The following POU3F4 variants were observed in gnomAD, a reference collection of about 807,000 sequenced individuals.
The protein encoded by POU3F4 is POU domain, class 3, transcription factor 4.
A neutral mutation model predicts 15.2 loss-of-function variants in POU3F4; 2 were observed. The ratio of observed to expected loss-of-function variants is 0.13; its 90% CI spans 0.05 to 0.42. The LOEUF is 0.42. POU3F4 is among the 10% of genes least tolerant of loss of function. The pLI is 0.99. For missense variants in POU3F4, 220 were observed against 297.0 expected (o/e 0.74, Z 1.91); for synonymous variants, 158 against 133.3 (o/e 1.19, Z -1.28).
In POU3F4 at chrX:83,510,144, T is replaced by C. The variant is rs2147997363; in HGVS notation, c.*734T>C. 1 of 111,923 alleles carries C rather than the reference T, an allele frequency of 8.9e-6. No homozygotes were observed. Among genetic ancestry groups the C allele is most frequent in the South Asian group, 3.8e-4 (1 of 2,628 alleles). The allele number at this position is 111,923 out of a possible 1,213,427, so 9.2% of individuals were successfully genotyped here. ...TTTACTACAATCTGTACACAATATT[T>C]GTGAGATAATTTGTATCTAATCGAC... is the stretch of plus-strand genomic sequence containing the variant. On this transcript the variant is annotated 3_prime_UTR_variant, in exon 1 of 1. Coordinates refer to ENST00000644024, the MANE Select transcript of POU3F4 (RefSeq NM_000307.5).
In POU3F4 at chrX:83,510,961, G is replaced by A. The variant is rs1030269939; in HGVS notation, c.*1551G>A. ...ACCGCTGTCTGTGTGTGGGCTCGTG[G>A]GGAGCTGTCTCGGCGTTTCTGATAA... On this transcript the variant is annotated 3_prime_UTR_variant, in exon 1 of 1. Coordinates refer to ENST00000644024, the MANE Select transcript of POU3F4 (RefSeq NM_000307.5). 3 of 109,499 alleles carry A rather than the reference G, an allele frequency of 2.7e-5. No individual in the cohort carries two copies. The highest frequency in any genetic ancestry group is 6.7e-5 in the African/African-American group (2 of 30,025). The allele number at this position is 109,499 out of a possible 1,213,427, so 9.0% of individuals were successfully genotyped here.
chrX:83,509,195 G>A lies in POU3F4; in HGVS notation c.871G>A (p.Gly291Ser), dbSNP rs1925850178. 8.3e-7 allele frequency: 1 copy of A among 1,211,705 alleles called. No individual in the cohort carries two copies. Among genetic ancestry groups the A allele is most frequent in the African/African-American group, 1.7e-5 (1 of 57,901 alleles). ...GACCTCCATCGAGGTGAGTGTCAAG[G>A]GCGTACTGGAGACGCATTTCCTCAA... ...KRTSIEVSVKGVLETHFLKCP... is the reference protein window; with the variant it reads ...KRTSIEVSVKSVLETHFLKCP... The change falls in exon 1 of 1, where the codon GGC becomes AGC. Residue 291 changes from glycine (G) to serine (S), a missense_variant. Transcript: ENST00000644024.
rs776921688 is a variant in POU3F4, at chrX:83,508,545, G to A, written c.221G>A (p.Ser74Asn). The A allele has an allele frequency of 8.3e-7, 1 of 1,202,880 alleles. No individual in the cohort carries two copies. Among genetic ancestry groups the A allele is most frequent in the South Asian group, 1.8e-5 (1 of 55,643 alleles). Residue 74 changes from serine to asparagine, a missense_variant, in exon 1 of 1, where the codon AGC becomes AAC. Ser to Asn is a conservative substitution (Grantham distance 46). Around this residue, in one of 5 missense-constraint regions of POU3F4, gnomAD observed 161 missense variants for 154.1 expected, o/e 1.05. Transcript: ENST00000644024. ...CCATGGTCCTCCACACTGGCCACCA[G>A]CCCCCTGGACCAGCAGGACGTGAAG... is the stretch of plus-strand genomic sequence containing the variant. Reference protein sequence around the residue: ...GGPWSSTLATSPLDQQDVKPG... With the variant: ...GGPWSSTLATNPLDQQDVKPG...
At position 83,508,745 on chromosome X, in the gene POU3F4, G is replaced by C. The variant is rs1925837292; in HGVS notation, c.421G>C (p.Val141Leu). The C allele has an allele frequency of 4.1e-6, 5 of 1,206,208 alleles. No individual in the cohort carries two copies. The highest frequency in any genetic ancestry group is 1.7e-5 in the African/African-American group (1 of 57,238). Reference protein sequence around the residue: ...LNVYSQPGFTVSGMLEHGGLT... With the variant: ...LNVYSQPGFTLSGMLEHGGLT... ...CGTGTACTCGCAGCCTGGCTTCACC[G>C]TGAGCGGCATGCTGGAACACGGGGG... is the stretch of plus-strand genomic sequence containing the variant. The change falls in exon 1 of 1, where the codon GTG (valine) becomes CTG (leucine). Residue 141 changes from valine (V) to leucine (L), a missense_variant. Coordinates refer to ENST00000644024, the MANE Select transcript of POU3F4 (RefSeq NM_000307.5).
At position 83,510,606 on chromosome X, in the gene POU3F4, T is replaced by A; in HGVS notation, c.*1196T>A. The A allele has an allele frequency of 9.0e-6, 1 of 111,469 alleles. No individual in the cohort carries two copies. Among genetic ancestry groups the A allele is most frequent in the East Asian group, 2.8e-4 (1 of 3,523 alleles). 9.2% of individuals were successfully genotyped at this position (111,469 alleles called of 1,213,427 possible). ...GCTCCGCACTCACCGGACTCCAGGA[T>A]TCCTGCGCGCAGAAATCCAGGCCCC... On this transcript the variant is annotated 3_prime_UTR_variant, in exon 1 of 1. Coordinates refer to ENST00000644024, the MANE Select transcript of POU3F4 (RefSeq NM_000307.5).
chrX:83,510,178 GTTA>G lies in POU3F4; in HGVS notation c.*774_*776del, dbSNP rs1925880034. On this transcript the variant is annotated 3_prime_UTR_variant, in exon 1 of 1. Coordinates refer to ENST00000644024, the MANE Select transcript of POU3F4 (RefSeq NM_000307.5). Reference sequence around the variant, plus strand: ...ATTTGTATCTAATCGACCACTCCATGTTATTATTGCTATTATTATTACTACTTC... The same window carrying G: ...ATTTGTATCTAATCGACCACTCCATGTTATTGCTATTATTATTACTACTTC... The G allele has an allele frequency of 9.0e-6, 1 of 110,720 alleles. No homozygotes were observed. The highest frequency in any genetic ancestry group is 1.9e-5 in the Non-Finnish European group (1 of 52,977). 9.1% of individuals were successfully genotyped at this position (110,720 alleles called of 1,213,427 possible).
rs1241361409 is a variant in POU3F4 at position 83,509,692 on chromosome X, T to C, written c.*282T>C. On this transcript the variant is annotated 3_prime_UTR_variant, in exon 1 of 1. Transcript: ENST00000644024. ...TTCCTTTCCTTTCTTTTCTTTTGCT[T>C]TCCTTTCCTTTTTTTCCCTTTTCTT... 1 of 374,732 alleles carries C rather than the reference T, an allele frequency of 2.7e-6. No individual in the cohort carries two copies. Among genetic ancestry groups the C allele is most frequent in the Non-Finnish European group, 4.7e-6 (1 of 213,856 alleles). 30.9% of individuals were successfully genotyped at this position (374,732 alleles called of 1,213,427 possible).
In POU3F4 at chrX:83,508,689, C is replaced by T. The variant is rs759698748; in HGVS notation, c.365C>T (p.Pro122Leu). 5.8e-6 allele frequency: 7 copies of T among 1,211,561 alleles called. No homozygotes were observed. The highest frequency in any genetic ancestry group is 5.9e-5 in the East Asian group (2 of 33,784). ...NAWGASPAPN[P>L]SITSSGQPLN... is the part of the protein sequence containing the mutation. ...TGGGGGGCCAGCCCGGCACCGAACC[C>T]GTCTATCACGTCAAGCGGCCAACCC... is the stretch of plus-strand genomic sequence containing the variant. The change falls in exon 1 of 1, where the codon CCG (proline) becomes CTG (leucine). Residue 122 changes from proline (P) to leucine (L), a missense_variant. Pro to Leu is a moderately conservative substitution (Grantham distance 98, BLOSUM62 -3). Around this residue, in one of 5 missense-constraint regions of POU3F4, gnomAD observed 161 missense variants for 154.1 expected, o/e 1.05. Coordinates refer to ENST00000644024, the MANE Select transcript of POU3F4 (RefSeq NM_000307.5).
At position 83,508,375 on chromosome X, in the gene POU3F4, A is replaced by G; in HGVS notation, c.51A>G (p.Leu17=). ...ACAGCATTCTCAGTTCCACCTCCCT[A>G]GTCCATGCGGACTCTGCGGGCATGC... ...NPYSILSSTS[L]VHADSAGMQQ... The change falls in exon 1 of 1, where the codon CTA becomes CTG. Residue 17 remains leucine, a synonymous_variant. Coordinates refer to ENST00000644024, the MANE Select transcript of POU3F4 (RefSeq NM_000307.5). 1 of 1,212,077 alleles carries G rather than the reference A, an allele frequency of 8.3e-7. No individual in the cohort carries two copies. Among genetic ancestry groups the G allele is most frequent in the Non-Finnish European group, 1.1e-6 (1 of 895,502 alleles).
Position 83,509,148 on chromosome X carries a change from A to T in POU3F4, c.824A>T (p.Gln275Leu), listed in dbSNP as rs1374720958. The change falls in exon 1 of 1, where the codon CAG (glutamine) becomes CTG (leucine). Residue 275 changes from glutamine (Q) to leucine (L), a missense_variant. Gln to Leu is a moderately radical substitution (Grantham distance 113). Coordinates refer to ENST00000644024, the MANE Select transcript of POU3F4 (RefSeq NM_000307.5). Reference sequence around the variant, plus strand: ...ACCAGCATTGACAAGATCGCTGCACAGGGCCGCAAGCGCAAGAAGCGGACC... The same window carrying T: ...ACCAGCATTGACAAGATCGCTGCACTGGGCCGCAAGCGCAAGAAGCGGACC... ...SPTSIDKIAA[Q>L]GRKRKKRTSI... 1 of 1,209,954 alleles carries T rather than the reference A, an allele frequency of 8.3e-7. No homozygotes were observed. The highest frequency in any genetic ancestry group is 1.7e-5 in the African/African-American group (1 of 57,232).
rs1285048489 is a variant in POU3F4 at position 83,510,357 on chromosome X, A to G, written c.*947A>G. 9.7e-6 allele frequency: 1 copy of G among 103,196 alleles called. No homozygotes were observed. Among genetic ancestry groups the G allele is most frequent in the East Asian group, 3.4e-4 (1 of 2,985 alleles). 8.5% of individuals were successfully genotyped at this position (103,196 alleles called of 1,213,427 possible). A position where few individuals can be genotyped will look rare whatever the true frequency, so the allele number is the denominator to read the frequency against. On this transcript the variant is annotated 3_prime_UTR_variant, in exon 1 of 1. Coordinates refer to ENST00000644024, the MANE Select transcript of POU3F4 (RefSeq NM_000307.5). ...AACGAAGAGAGTTATTGATGATGATATTGGTTATATTTTTTTTCCGGGGTG... is the reference window on the plus strand; with the variant it reads ...AACGAAGAGAGTTATTGATGATGATGTTGGTTATATTTTTTTTCCGGGGTG...
In POU3F4 at chrX:83,510,658, C is replaced by A. The variant is rs1453270227; in HGVS notation, c.*1248C>A. 1 of 111,706 alleles carries A rather than the reference C, an allele frequency of 9.0e-6. No homozygotes were observed. The highest frequency in any genetic ancestry group is 1.9e-5 in the Non-Finnish European group (1 of 53,095). 9.2% of individuals were successfully genotyped at this position (111,706 alleles called of 1,213,427 possible). A position where few individuals can be genotyped will look rare whatever the true frequency, so the allele number is the denominator to read the frequency against. ...AGCCTCGCTAGGGCGACCTTCCGCG[C>A]GACCTCACTTCGGCCCTCCTAGAGG... On this transcript the variant is annotated 3_prime_UTR_variant, in exon 1 of 1. Transcript: ENST00000644024.
rs1260538264 is a variant in POU3F4 at position 83,509,180 on chromosome X, G to A, written c.856G>A (p.Glu286Lys). 8.3e-7 allele frequency: 1 copy of A among 1,210,127 alleles called. No homozygotes were observed. The highest frequency in any genetic ancestry group is 1.7e-5 in the African/African-American group (1 of 57,307). ...GRKRKKRTSI[E>K]VSVKGVLETH... ...CAAGCGCAAGAAGCGGACCTCCATC[G>A]AGGTGAGTGTCAAGGGCGTACTGGA... The change falls in exon 1 of 1, where the codon GAG becomes AAG. Residue 286 changes from glutamate (E) to lysine (K), a missense_variant. This residue lies in a region of POU3F4 where 25 missense variants were observed against 36.7 expected (regional missense o/e 0.68). Coordinates refer to ENST00000644024, the MANE Select transcript of POU3F4 (RefSeq NM_000307.5).
In POU3F4 at chrX:83,508,840, C is replaced by T. The variant is rs778599627; in HGVS notation, c.516C>T (p.His172=). The T allele has an allele frequency of 2.5e-6, 3 of 1,208,857 alleles. No individual in the cohort carries two copies. In the South Asian group the frequency reaches 5.3e-5, roughly 21 times the overall value. ...LHPVLREPPD[H]GELGSHHCQD... Reference sequence around the variant, plus strand: ...CGGTGCTCCGAGAGCCCCCGGATCACGGCGAACTGGGCTCGCACCATTGCC... The same window carrying T: ...CGGTGCTCCGAGAGCCCCCGGATCATGGCGAACTGGGCTCGCACCATTGCC... The change falls in exon 1 of 1, where the codon CAC becomes CAT. Residue 172 remains histidine, a synonymous_variant. Transcript: ENST00000644024.
chrX:83,508,383 C>A lies in POU3F4; in HGVS notation c.59C>A (p.Ala20Glu), dbSNP rs755424605. The A allele has an allele frequency of 4.1e-6, 5 of 1,211,797 alleles. No homozygotes were observed. The highest frequency in any genetic ancestry group is 3.0e-5 in the East Asian group (1 of 33,831). Residue 20 changes from alanine to glutamate, a missense_variant, in exon 1 of 1, where the codon GCG becomes GAG. Ala to Glu is a moderately radical substitution (Grantham distance 107, BLOSUM62 -1). This residue lies in a region of POU3F4 where 161 missense variants were observed against 154.1 expected (regional missense o/e 1.05). Transcript: ENST00000644024. ...CTCAGTTCCACCTCCCTAGTCCATG[C>A]GGACTCTGCGGGCATGCAGCAGGGG... ...SILSSTSLVH[A>E]DSAGMQQGSP...
rs1253088329 is a variant in POU3F4 at position 83,511,053 on chromosome X, T to C, written c.*1643T>C. 1.8e-5 allele frequency: 2 copies of C among 109,947 alleles called. No homozygotes were observed. Among genetic ancestry groups the C allele is most frequent in the Admixed American group, 1.9e-4 (2 of 10,310 alleles). 9.1% of individuals were successfully genotyped at this position (109,947 alleles called of 1,213,427 possible). On this transcript the variant is annotated 3_prime_UTR_variant, in exon 1 of 1. Coordinates refer to ENST00000644024, the MANE Select transcript of POU3F4 (RefSeq NM_000307.5). ...GCGAGCGCCCGGGAGGCTGGGTTCC[T>C]GCTTTTTAAAATATAAATATATATA...
Position 83,511,625 on chromosome X carries a change from G to C in POU3F4, c.*2215G>C, listed in dbSNP as rs1406982363. The stretch of plus-strand genomic sequence containing the variant: ...GTCTCTGCATTCTGTTGGTAGTTAG[G>C]TTTTAGTTCTGGGATTTTATTTTTT... On this transcript the variant is annotated 3_prime_UTR_variant, in exon 1 of 1. Transcript: ENST00000644024. The C allele has an allele frequency of 8.9e-6, 1 of 111,983 alleles. No individual in the cohort carries two copies. 9.2% of individuals were successfully genotyped at this position (111,983 alleles called of 1,213,427 possible). A position where few individuals can be genotyped will look rare whatever the true frequency, so the allele number is the denominator to read the frequency against.
chrX:83,508,912 G>C lies in POU3F4; in HGVS notation c.588G>C (p.Gln196His), dbSNP rs770776910. Residue 196 changes from glutamine to histidine, a missense_variant, in exon 1 of 1, where the codon CAG becomes CAC. By Grantham distance (24) the Gln-to-His change is conservative. Around this residue, in one of 5 missense-constraint regions of POU3F4, gnomAD observed 14 missense variants for 65.2 expected, o/e 0.21. Transcript: ENST00000644024. ...CGCCAACCTCTGATGAGTTGGAACA[G>C]TTCGCCAAACAATTCAAACAAAGAA... Reference protein sequence around the residue: ...EETPTSDELEQFAKQFKQRRI... With the variant: ...EETPTSDELEHFAKQFKQRRI... The C allele has an allele frequency of 4.8e-5, 58 of 1,210,839 alleles. No homozygotes were observed. Among genetic ancestry groups the C allele is most frequent in the Non-Finnish European group, 6.3e-5 (56 of 895,426 alleles).
chrX:83,509,526 G>C lies in POU3F4; in HGVS notation c.*116G>C. 1 of 1,024,263 alleles carries C rather than the reference G, an allele frequency of 9.8e-7. No homozygotes were observed. Among genetic ancestry groups the C allele is most frequent in the Non-Finnish European group, 1.3e-6 (1 of 751,499 alleles). The allele number at this position is 1,024,263 out of a possible 1,213,427, so 84.4% of individuals were successfully genotyped here. A position where few individuals can be genotyped will look rare whatever the true frequency, so the allele number is the denominator to read the frequency against. ...TATTATTTTTCTCTCTCTCTCGTTC[G>C]CTCGCTCTCTCGTACTCTCTCTCTT... On this transcript the variant is annotated 3_prime_UTR_variant, in exon 1 of 1. Coordinates refer to ENST00000644024, the MANE Select transcript of POU3F4 (RefSeq NM_000307.5).
Sources: gnomAD v4.1 joint callset for allele counts on GRCh38, gnomAD v4.1.1 for gene constraint, gnomAD v4.1.1 regional missense constraint, MANE v1.5 for transcripts, NCBI Gene and HGNC (gene_info 2026-07-23, HGNC 2026-07-21) for gene names.